MARCHF1: variants seen among roughly 807,000 people sequenced by gnomAD.
MARCHF1 encodes E3 ubiquitin-protein ligase MARCHF1.
A neutral mutation model predicts 54.2 loss-of-function variants in MARCHF1; 40 were observed. The ratio of observed to expected loss-of-function variants is 0.74; its 90% CI spans 0.57 to 0.96. The LOEUF (loss-of-function observed/expected upper bound fraction) is 0.96, where lower values mean the gene tolerates loss of function less well. Among genes scored for constraint, MARCHF1 ranks in the 40% least tolerant of loss-of-function variants. The pLI, the probability that MARCHF1 is intolerant of heterozygous loss-of-function variation, is 0.00. For synonymous variants in MARCHF1, 236 were observed against 236.3 expected (o/e 1.00, Z 0.01); for missense variants, 586 against 656.5 (o/e 0.89, Z 1.17).
intron 7 of MARCHF1, among the ~76,000 whole-genome samples, chr4:163,596,189 AG>A (rs1195045689): frequency 6.6e-6 from 1 of 152,110 alleles, no homozygotes. Context: ...AAGAGAGCAA[AG>A]GATGGACCAA....
chr4:163,978,494 G>A (rs1752692574), intron 3 of MARCHF1, among the ~76,000 whole-genome samples: 1 of 152,064 alleles, frequency 6.6e-6, no homozygotes, highest in African/African-American at 2.4e-5. Context: ...AACTTTATGA[G>A]GTAGTTCTCA....
chr4:163,830,619 TTATATGC>T (rs1748991205), intron 4 of MARCHF1, among the ~76,000 whole-genome samples: 1 of 152,058 alleles, frequency 6.6e-6, no homozygotes, highest in African/African-American at 2.4e-5. Flanking sequence ...GTCCTATTAA[TTATATGC>T]TCTCCAGCTG....
chr4:163,884,021 C>G (rs1158743417), intron 3 of MARCHF1, among the ~76,000 whole-genome samples: 1 of 152,094 alleles, frequency 6.6e-6, no homozygotes, highest in Admixed American at 6.6e-5. Context: ...AAGAAAATAG[C>G]TCCTCATATG....
chr4:163,918,618 C>A (rs2111355811), intron 3 of MARCHF1, among the ~76,000 whole-genome samples: 1 of 152,220 alleles, frequency 6.6e-6, no homozygotes, highest in Middle Eastern at 3.4e-3. Context: ...TAATTACGAG[C>A]ATTTCTGTTC....
chr4:163,872,369 A>G (rs1048463184), intron 3 of MARCHF1, among the ~76,000 whole-genome samples: 4 of 152,364 alleles, frequency 2.6e-5, no homozygotes, highest in East Asian at 3.9e-4. Context: ...AAAATGGTCA[A>G]TCTGTACCCA....
At chr4:164,240,838 T>C (rs1180965805) in intron 1 of MARCHF1, among the ~76,000 whole-genome samples, 1 of 152,080 alleles carries the variant, frequency 6.6e-6, no homozygotes, top group African/African-American at 2.4e-5. Flanking sequence ...GTTTGGGGAC[T>C]GAAACCACCA....
chr4:164,248,013 C>T (rs1465893527), intron 1 of MARCHF1, among the ~76,000 whole-genome samples: 2 of 151,590 alleles, frequency 1.3e-5, no homozygotes, highest in Non-Finnish European at 2.9e-5. Flanking sequence ...ACTTAGTAAA[C>T]ATGGGAAGCC....
At chr4:163,591,860 T>C (rs558711069) in intron 7 of MARCHF1, among the ~76,000 whole-genome samples, 1 of 152,086 alleles carries the variant, frequency 6.6e-6, no homozygotes, top group Non-Finnish European at 1.5e-5. Flanking sequence ...TTATACCCTA[T>C]CTGAGCAGCA....
At chr4:163,623,673 C>T (rs2110966993) in intron 5 of MARCHF1, among the ~76,000 whole-genome samples, 1 of 152,278 alleles carries the variant, frequency 6.6e-6, no homozygotes, top group East Asian at 1.9e-4. Flanking sequence ...TTGGAATCAG[C>T]TAACTTCATT....
intron 4 of MARCHF1, among the ~76,000 whole-genome samples, chr4:163,723,113 C>A (rs976903842): frequency 1.4e-4 from 21 of 152,198 alleles, no homozygotes; most frequent in African/African-American, 5.1e-4. Flanking sequence ...CAGTTTCTTC[C>A]TAGCCTCAGT....
intron 5 of MARCHF1, among the ~76,000 whole-genome samples, chr4:163,672,668 A>G (rs1190943027): frequency 6.6e-6 from 1 of 152,140 alleles, no homozygotes; most frequent in Non-Finnish European, 1.5e-5. Context: ...TTTTCCTATT[A>G]CTGCTTTCAC....
chr4:164,153,007 T>C (rs1316106841), intron 1 of MARCHF1, among the ~76,000 whole-genome samples: 2 of 152,306 alleles, frequency 1.3e-5, no homozygotes, highest in South Asian at 4.1e-4. Context: ...CCCTACACTT[T>C]GGGCACATGT....
intron 5 of MARCHF1, among the ~76,000 whole-genome samples, chr4:163,638,208 A>G (rs948384019): frequency 2.0e-5 from 3 of 151,430 alleles, no homozygotes; most frequent in African/African-American, 7.3e-5. Context: ...TAACCAGCAC[A>G]ATGTGCACAT....
At chr4:163,850,876 C>G (rs1054880636) in intron 4 of MARCHF1, among the ~76,000 whole-genome samples, 1 of 152,184 alleles carries the variant, frequency 6.6e-6, no homozygotes, top group South Asian at 2.1e-4. Context: ...AAGGCAGATA[C>G]GTAGAGAAAC....
chr4:164,366,940 T>G (rs1209122611), intron 1 of MARCHF1, among the ~76,000 whole-genome samples: 1 of 152,050 alleles, frequency 6.6e-6, no homozygotes, highest in Non-Finnish European at 1.5e-5. Context: ...ATTTTTACCT[T>G]AATTCAAACC....
intron 1 of MARCHF1, among the ~76,000 whole-genome samples, chr4:164,182,504 T>G (rs1444182464): frequency 6.6e-6 from 1 of 151,832 alleles, no homozygotes. Context: ...AAGAATATCA[T>G]CTCTCTCCTT....
intron 5 of MARCHF1, among the ~76,000 whole-genome samples, chr4:163,637,062 G>T (rs568928248): frequency 4.6e-5 from 7 of 151,246 alleles, no homozygotes; most frequent in African/African-American, 1.7e-4. Flanking sequence ...GCTGAAACTG[G>T]ATCCCTTCCT....
chr4:164,215,380 C>T (rs1413466147), intron 1 of MARCHF1, among the ~76,000 whole-genome samples: 1 of 152,148 alleles, frequency 6.6e-6, no homozygotes, highest in Admixed American at 6.5e-5. Context: ...ATGCATTCCT[C>T]TCCATGTCCA....
intron 1 of MARCHF1, among the ~76,000 whole-genome samples, chr4:164,231,514 T>C (rs1187312664): frequency 6.6e-6 from 1 of 152,180 alleles, no homozygotes; most frequent in Non-Finnish European, 1.5e-5. Flanking sequence ...TAACATGACA[T>C]CTTTTAATTT....
Sources: gnomAD v4.1 joint callset for allele counts (sites outside exome capture counted in the v4.1 genomes callset) on GRCh38, gnomAD v4.1.1 for gene constraint, MANE v1.5 for transcripts, NCBI Gene and HGNC (gene_info 2026-07-23, HGNC 2026-07-21) for gene names.